Variants in SYNE2 observed in about 807,000 individuals in gnomAD.
SYNE2 encodes spectrin repeat containing nuclear envelope protein 2.
SYNE2 carries 431 observed loss-of-function variants against 856.3 expected under a neutral mutation model. That is an observed-to-expected ratio of 0.50 (90% CI 0.47 to 0.55). The LOEUF (loss-of-function observed/expected upper bound fraction) is 0.55. Ranked by LOEUF, SYNE2 falls within the 20% of genes least tolerant of loss-of-function variation. The pLI is 0.00. For missense variants in SYNE2, 8,129 were observed against 8,023.2 expected (o/e 1.01, Z -0.50); for synonymous variants, 2,923 against 2,872.3 (o/e 1.02, Z -0.56).
chr14:63,782,611 TAAAA>T (rs1164792864), intron 1 of SYNE2, among the ~76,000 whole-genome samples: 1 of 151,622 alleles, frequency 6.6e-6, no homozygotes, highest in East Asian at 1.9e-4. Flanking sequence ...ACCCATTGAA[TAAAA>T]TAAGACTCTG....
chr14:64,093,264 C>T, intron 60 of SYNE2, 85 bp from the exon 61 acceptor site: 4 of 1,529,566 alleles, frequency 2.6e-6, no homozygotes, highest in Non-Finnish European at 3.6e-6. Flanking sequence ...GTGATTAAAA[C>T]TTCCATGGGG....
chr14:64,202,296 CAG>C, intron 99 of SYNE2: 1 of 702,348 alleles, frequency 1.4e-6, no homozygotes, highest in East Asian at 2.7e-5. Context: ...TCTGCTTACT[CAG>C]AGAGGAGGGT....
At chr14:63,903,169 A>C (rs1359574541) in intron 1 of SYNE2, among the ~76,000 whole-genome samples, 1 of 152,194 alleles carries the variant, frequency 6.6e-6, no homozygotes, top group Non-Finnish European at 1.5e-5. Flanking sequence ...TGTCATCAAT[A>C]AGTCTCTTCA....
chr14:64,170,397 T>C lies in SYNE2; in HGVS notation c.17170T>C (p.Ser5724Pro). 6.2e-7 allele frequency: 1 copy of C among 1,614,198 alleles called. No homozygotes were observed. Among genetic ancestry groups the C allele is most frequent in the Non-Finnish European group, 8.5e-7 (1 of 1,180,050 alleles). ...RFLTDTSHLL[S>P]AVKGQERFSL... ...CCTCACTGACACCAGCCACCTGCTA[T>C]CTGCAGTGAAGGGCCAGGAGCGCTT... Residue 5724 changes from serine (S) to proline (P), a missense_variant, in exon 94 of 116, where the codon TCT becomes CCT. Coordinates refer to ENST00000555002, the MANE Select transcript of SYNE2 (RefSeq NM_182914.3).
intron 84 of SYNE2, among the ~76,000 whole-genome samples, chr14:64,150,007 C>CTTTT (rs755126549): frequency 1.4e-3 from 128 of 94,398 alleles, no homozygotes; most frequent in Non-Finnish European, 1.6e-3. Flanking sequence ...TTTTTCTTTT[C>CTTTT]TTTTTTTTTT....
At chr14:63,960,752 T>C (rs1487711111) in intron 8 of SYNE2, 4 of 764,248 alleles carry the variant, frequency 5.2e-6, no homozygotes, top group Non-Finnish European at 9.6e-6. Flanking sequence ...GGAGAAGTTC[T>C]GCACTTTACA....
chr14:64,215,263 C>G, intron 106 of SYNE2, 23 bp from the exon 107 acceptor site: 1 of 1,611,918 alleles, frequency 6.2e-7, no homozygotes. Context: ...TCCAGTGAGG[C>G]AAATGACATT....
At chr14:63,964,248 G>A (rs2096360557) in intron 10 of SYNE2, among the ~76,000 whole-genome samples, 1 of 152,326 alleles carries the variant, frequency 6.6e-6, no homozygotes, top group Middle Eastern at 3.4e-3. Context: ...TTCTAACAAG[G>A]TCTCAGGTGA....
At chr14:64,215,998 C>T in intron 107 of SYNE2, 2 of 1,424,836 alleles carry the variant, frequency 1.4e-6, no homozygotes, top group Non-Finnish European at 9.2e-7. Context: ...ACCCTGGCTC[C>T]AAAACGCCAC....
At chr14:63,867,282 A>C (rs943208931) in intron 1 of SYNE2, among the ~76,000 whole-genome samples, 1 of 152,136 alleles carries the variant, frequency 6.6e-6, no homozygotes, top group African/African-American at 2.4e-5. Context: ...TTATATGAGC[A>C]TTCAACATAT....
rs1470810415 is a variant in SYNE2 at position 63,978,933 on chromosome 14, T to A, written c.1488T>A (p.Asp496Glu). The A allele has an allele frequency of 6.2e-7, 1 of 1,613,342 alleles. No individual in the cohort carries two copies. The change falls in exon 14 of 116, where the codon GAT becomes GAA. Residue 496 changes from aspartate (D) to glutamate (E), a missense_variant. Physicochemically the swap from Asp to Glu is conservative, Grantham distance 45 (BLOSUM62 2). Around this residue, in one of 3 missense-constraint regions of SYNE2, gnomAD observed 2,422 missense variants for 2,357.4 expected, o/e 1.03. Transcript: ENST00000555002. ...YYKCLVLGLV[D>E]EVKSKLDIWN... ...AGTGCTTAGTTCTTGGTTTGGTAGA[T>A]GAAGTGAAATCAAAATTGGATATTT...
intron 1 of SYNE2, among the ~76,000 whole-genome samples, chr14:63,805,535 C>G (rs1339518231): frequency 6.6e-6 from 1 of 152,260 alleles, no homozygotes; most frequent in Non-Finnish European, 1.5e-5. Flanking sequence ...CTACAGGCGC[C>G]CGCCACCACG....
rs985390323 is a variant in SYNE2, at chr14:64,207,833, A to G, written c.18202-925A>G. On this transcript the variant is annotated intron_variant, in intron 100 of 115. Coordinates refer to ENST00000555002, the MANE Select transcript of SYNE2 (RefSeq NM_182914.3). ...TTAACTTAGTGTTTGCTTTCTCACA[A>G]TGTAATTTGGATATTAAAATTAATG... The G allele has an allele frequency of 1.9e-5, 7 of 361,668 alleles. No homozygotes were observed. In the East Asian group the frequency reaches 4.4e-4, roughly 23 times the overall value. The allele number at this position is 361,668 out of a possible 1,614,324, so 22.4% of individuals were successfully genotyped here.
chr14:63,980,526 G>T, intron 14 of SYNE2, 128 bp from the exon 15 acceptor site: 1 of 641,446 alleles, frequency 1.6e-6, no homozygotes. Context: ...TACCAAATAT[G>T]TAGTATTAAA....
intron 88 of SYNE2, chr14:64,162,815 C>T (rs1007055994): frequency 4.9e-6 from 1 of 202,182 alleles, no homozygotes; most frequent in African/African-American, 2.3e-5. Flanking sequence ...TTTGTATCTT[C>T]TGCTACTGTA....
chr14:64,115,483 C>T (rs1156537688), intron 66 of SYNE2, among the ~76,000 whole-genome samples: 2 of 152,036 alleles, frequency 1.3e-5, no homozygotes, highest in Admixed American at 6.6e-5. Flanking sequence ...CAGAGAGCGC[C>T]GAAGGGCAGC....
chr14:63,798,595 T>C (rs1411284980), intron 1 of SYNE2, among the ~76,000 whole-genome samples: 1 of 152,016 alleles, frequency 6.6e-6, no homozygotes, highest in Non-Finnish European at 1.5e-5. Context: ...GGTTTCACCA[T>C]GTTGGCCAGC....
intron 6 of SYNE2, among the ~76,000 whole-genome samples, chr14:63,947,698 A>G (rs998606529): frequency 1.3e-5 from 2 of 152,130 alleles, no homozygotes; most frequent in Admixed American, 1.3e-4. Context: ...TTAGCCGGGC[A>G]TGGTGGTGCA....
chr14:64,065,283 T>G, intron 50 of SYNE2, 149 bp from the exon 51 acceptor site: 1 of 730,224 alleles, frequency 1.4e-6, no homozygotes, highest in Non-Finnish European at 2.3e-6. Flanking sequence ...TCATCTGGTC[T>G]ATATTGACTT....
Sources: allele counts gnomAD v4.1 joint callset (sites outside exome capture counted in the v4.1 genomes callset), GRCh38; gene constraint gnomAD v4.1.1; regional missense constraint gnomAD v4.1.1; transcripts MANE v1.5; gene names NCBI Gene and HGNC (gene_info 2026-07-23, HGNC 2026-07-21).